Variants in KCNH4 observed in about 807,000 individuals in gnomAD.
KCNH4 encodes the protein voltage-gated delayed rectifier potassium channel KCNH4.
In KCNH4, 33 loss-of-function variants were observed where a neutral mutation model predicts 90.7. That is an observed-to-expected ratio of 0.36 (90% CI 0.28 to 0.49). KCNH4 has a LOEUF of 0.49. Ranked by LOEUF, KCNH4 falls within the 20% of genes least tolerant of loss-of-function variation. The pLI is 0.98. For missense variants in KCNH4, 1,044 were observed against 1,387.1 expected (o/e 0.75, Z 3.93); for synonymous variants, 551 against 581.7 (o/e 0.95, Z 0.76).
At chr17:42,159,114 G>C (rs1204113180) in intron 16 of KCNH4, among the ~76,000 whole-genome samples, 1 of 151,774 alleles carries the variant, frequency 6.6e-6, no homozygotes, top group Non-Finnish European at 1.5e-5. Context: ...TGCAACCTCC[G>C]CCTCCCGGAT....
intron 7 of KCNH4, among the ~76,000 whole-genome samples, chr17:42,171,051 C>G (rs867413544): frequency 2.0e-5 from 3 of 151,866 alleles, no homozygotes; most frequent in Non-Finnish European, 4.4e-5. Context: ...TGAGTGTGGA[C>G]TTCATTTGGA....
intron 6 of KCNH4, among the ~76,000 whole-genome samples, chr17:42,173,945 G>A (rs556646299): frequency 8.4e-4 from 128 of 151,618 alleles, no homozygotes; most frequent in African/African-American, 2.6e-3. Flanking sequence ...CTCGTGATCC[G>A]CCCGCCTGGG....
chr17:42,173,965 G>A (rs2144137072), intron 6 of KCNH4, among the ~76,000 whole-genome samples: 1 of 151,954 alleles, frequency 6.6e-6, no homozygotes, highest in Non-Finnish European at 1.5e-5. Context: ...GCCTCCCAAA[G>A]TGCTGGGATT....
In KCNH4 at chr17:42,163,749, T is replaced by C. The variant is rs777485972; in HGVS notation, c.2334A>G (p.Leu778=). 2 of 1,557,956 alleles carry C rather than the reference T, an allele frequency of 1.3e-6. No homozygotes were observed. Among genetic ancestry groups the C allele is most frequent in the East Asian group, 4.6e-5 (2 of 43,736 alleles). Residue 778 remains leucine (L), a synonymous_variant, in exon 13 of 17, where the codon TTA becomes TTG. Coordinates refer to ENST00000264661, the MANE Select transcript of KCNH4 (RefSeq NM_012285.3). This position sits in a 1 kb window ranked among gnomAD's most constrained non-coding sequence, Gnocchi z 5.4. ...CCAGGGCAGGGGACAGGGATGGGGA[T>C]AAGGAAGGAGAGGAGACAAGGGCTG... ...PFSALVSSPS[L]SPSLSPALAG...
At position 42,158,835 on chromosome 17, in the gene KCNH4, T is replaced by TA. The variant is rs1220913096; in HGVS notation, c.*309+895dup. The stretch of plus-strand genomic sequence containing the variant: ...GGGTGACAGAGTGAGACTCCGTCTA[T>TA]AAAAAAATATATATATATATATTTT... On this transcript the variant is annotated intron_variant, in intron 16 of 16. Transcript: ENST00000264661. Among the ~76,000 whole-genome samples the TA allele has an allele frequency of 2.0e-3, 297 of 148,762 alleles. 3 individuals are homozygous for TA. Among genetic ancestry groups the TA allele is most frequent in the East Asian group, 4.4e-3 (22 of 5,034 alleles).
intron 16 of KCNH4, among the ~76,000 whole-genome samples, 198 bp downstream of exon 16, chr17:42,159,533 G>T (rs781091717): frequency 6.6e-6 from 1 of 152,098 alleles, no homozygotes; most frequent in African/African-American, 2.4e-5. Flanking sequence ...CCCTCTCTAG[G>T]TAACATTGCT....
In KCNH4 at chr17:42,180,362, CCCT is replaced by C. The variant is rs1419723252; in HGVS notation, c.76+505_76+507del. ...GTTCCCACCGTCGCACAGACCGCTCCCCTCCTCCTGCCTCACCCACCTTAGACA... is the reference window on the plus strand; with the variant it reads ...GTTCCCACCGTCGCACAGACCGCTCCCCTCCTGCCTCACCCACCTTAGACA... On this transcript the variant is annotated intron_variant, in intron 1 of 16. Coordinates refer to ENST00000264661, the MANE Select transcript of KCNH4 (RefSeq NM_012285.3). This position sits in a 1 kb window ranked among gnomAD's most constrained non-coding sequence, Gnocchi z 4.7. Among the ~76,000 whole-genome samples the C allele has an allele frequency of 1.3e-5, 2 of 152,162 alleles. No individual in the cohort carries two copies. Among genetic ancestry groups the C allele is most frequent in the Non-Finnish European group, 2.9e-5 (2 of 68,018 alleles).
intron 4 of KCNH4, 26 bp from the exon 5 acceptor site, chr17:42,176,323 G>A (rs2079861277): frequency 8.1e-6 from 13 of 1,596,756 alleles, no homozygotes; most frequent in African/African-American, 1.3e-5. Context: ...TGGCGGTTGG[G>A]GACACTTGAG....
At chr17:42,164,920 A>G (rs1050440426) in intron 11 of KCNH4, among the ~76,000 whole-genome samples, 1 of 152,150 alleles carries the variant, frequency 6.6e-6, no homozygotes, top group African/African-American at 2.4e-5. Flanking sequence ...AGCCTGGCCA[A>G]CATGGTGAAA....
intron 15 of KCNH4, among the ~76,000 whole-genome samples, chr17:42,160,759 T>C (rs1426945184): frequency 6.6e-6 from 1 of 152,148 alleles, no homozygotes; most frequent in Non-Finnish European, 1.5e-5. Context: ...TCACACAAGC[T>C]CAAGGGTCTC....
Position 42,180,917 on chromosome 17 carries a change from G to C in KCNH4, c.29C>G (p.Pro10Arg). The stretch of plus-strand genomic sequence containing the variant: ...GATGGTGTCCAGGAAGGTGTTTTGC[G>C]GGGCCAGCAACCCCTTCATGACCGG... MPVMKGLLA[P>R]QNTFLDTIAT... Residue 10 changes from proline (P) to arginine (R), a missense_variant, in exon 1 of 17, where the codon CCG becomes CGG. By Grantham distance (103) the Pro-to-Arg change is moderately radical (BLOSUM62 -2). Around this residue, in one of 4 missense-constraint regions of KCNH4, gnomAD observed 283 missense variants for 378.6 expected, o/e 0.75. Coordinates refer to ENST00000264661, the MANE Select transcript of KCNH4 (RefSeq NM_012285.3). The surrounding 1 kb of genome is among the most constrained non-coding windows in gnomAD (Gnocchi z 4.7). The C allele has an allele frequency of 6.2e-7, 1 of 1,613,862 alleles. No homozygotes were observed. Among genetic ancestry groups the C allele is most frequent in the Non-Finnish European group, 8.5e-7 (1 of 1,179,894 alleles).
At chr17:42,178,602 A>G (rs2079879309) in intron 2 of KCNH4, 125 bp from the exon 3 acceptor site, 1 of 1,303,948 alleles carries the variant, frequency 7.7e-7, no homozygotes, top group African/African-American at 1.5e-5. Context: ...AAGGAACCTC[A>G]GAGATTCTGT....
At chr17:42,169,702 A>G in intron 8 of KCNH4, 26 bp from the exon 9 acceptor site, 1 of 1,608,532 alleles carries the variant, frequency 6.2e-7, no homozygotes. Context: ...CGGGCCTGTC[A>G]GGGGCGGCCA....
chr17:42,166,717 T>C (rs2079790851), intron 9 of KCNH4, among the ~76,000 whole-genome samples, 171 bp from the exon 10 acceptor site: 1 of 152,200 alleles, frequency 6.6e-6, no homozygotes, highest in Non-Finnish European at 1.5e-5. Flanking sequence ...GCTTGCTGCA[T>C]GTACCTCACA....
intron 7 of KCNH4, among the ~76,000 whole-genome samples, chr17:42,170,913 G>A (rs2079822553): frequency 6.6e-6 from 1 of 152,220 alleles, no homozygotes; most frequent in Admixed American, 6.5e-5. Context: ...CATGTTCCAG[G>A]CCCAGCATGA....
chr17:42,163,024 T>C lies in KCNH4; in HGVS notation c.2584+204A>G, dbSNP rs1343718154. Among the ~76,000 whole-genome samples the C allele has an allele frequency of 1.3e-5, 2 of 152,200 alleles. No individual in the cohort carries two copies. Among genetic ancestry groups the C allele is most frequent in the East Asian group, 1.9e-4 (1 of 5,194 alleles). On this transcript the variant is annotated intron_variant, in intron 14 of 16. Transcript: ENST00000264661. This position sits in a 1 kb window ranked among gnomAD's most constrained non-coding sequence, Gnocchi z 5.4. ...CACAGAGTCCTGTTCTTGTCTGTCA[T>C]GGTATTTAGCATCTGGAATTGTTTA... is the stretch of plus-strand genomic sequence containing the variant.
Position 42,170,306 on chromosome 17 carries a change from A to C in KCNH4, c.1196-5T>G. On this transcript the variant is annotated splice_region_variant and splice_polypyrimidine_tract_variant and intron_variant, in intron 7 of 16. Coordinates refer to ENST00000264661, the MANE Select transcript of KCNH4 (RefSeq NM_012285.3). Reference sequence around the variant, plus strand: ...TGCCCAACTCATGCAACCAGCCTGCAGGGTGGACGGATGCAGGGAGCCCTG... The same window carrying C: ...TGCCCAACTCATGCAACCAGCCTGCCGGGTGGACGGATGCAGGGAGCCCTG... 1 of 1,580,136 alleles carries C rather than the reference A, an allele frequency of 6.3e-7. No individual in the cohort carries two copies. Among genetic ancestry groups the C allele is most frequent in the Non-Finnish European group, 8.6e-7 (1 of 1,167,656 alleles).
chr17:42,175,463 A>C (rs2144138979), intron 6 of KCNH4, 116 bp downstream of exon 6: 194 of 1,080,344 alleles, frequency 1.8e-4, no homozygotes, highest in Non-Finnish European at 2.4e-4. Flanking sequence ...CCTGATAAAT[A>C]TCTGCAGATG....
At chr17:42,160,485 G>C (rs748733820) in intron 15 of KCNH4, 50 bp from the exon 16 acceptor site, 3 of 1,522,482 alleles carry the variant, frequency 2.0e-6, no homozygotes, top group Admixed American at 4.0e-5. Flanking sequence ...TAATAACAAG[G>C]TGCACCCCCC....
Sources: gnomAD v4.1 joint callset for allele counts (sites outside exome capture counted in the v4.1 genomes callset) on GRCh38, gnomAD v4.1.1 for gene constraint, gnomAD v4.1.1 regional missense constraint, Gnocchi (gnomAD v3.1) non-coding constraint, MANE v1.5 for transcripts, NCBI Gene and HGNC (gene_info 2026-07-23, HGNC 2026-07-21) for gene names.